The following RCAN1 variants were observed in gnomAD, a reference collection of about 807,000 sequenced individuals.
RCAN1 encodes the protein calcipressin-1.
In RCAN1, 11 loss-of-function variants were observed where a neutral mutation model predicts 22.9. That is an observed-to-expected ratio of 0.48 (90% confidence interval 0.30 to 0.79). RCAN1 has a LOEUF of 0.79. RCAN1 is among the 30% of genes least tolerant of loss of function. The pLI is 0.06. For missense variants in RCAN1, 291 were observed against 337.8 expected (o/e 0.86, Z 1.09); for synonymous variants, 136 against 142.3 (o/e 0.96, Z 0.32).
chr21:34,520,901 G>A (rs564622187), intron 3 of RCAN1, among the ~76,000 whole-genome samples: 4 of 152,110 alleles, frequency 2.6e-5, no homozygotes, highest in East Asian at 1.9e-4. Context: ...CCCCCTCCCC[G>A]CAGTGCTCAC....
At chr21:34,569,260 T>C (rs9636883) in intron 1 of RCAN1, among the ~76,000 whole-genome samples, 64,900 of 152,074 alleles carry the variant, frequency 0.43, 14,586 homozygotes, top group East Asian at 0.61. Flanking sequence ...CAGTATTGTC[T>C]CTGTGGAAAA....
At chr21:34,590,500 A>G (rs1242883946) in intron 1 of RCAN1, among the ~76,000 whole-genome samples, 14 of 152,256 alleles carry the variant, frequency 9.2e-5, no homozygotes, top group Non-Finnish European at 2.1e-4. Context: ...GGAGACCTAC[A>G]GGCAAAAAAA....
intron 1 of RCAN1, among the ~76,000 whole-genome samples, chr21:34,605,651 G>A (rs187263783): frequency 6.6e-6 from 1 of 152,226 alleles, no homozygotes; most frequent in East Asian, 1.9e-4. Flanking sequence ...GCCAGGTGGA[G>A]TGGCTCACAC....
chr21:34,529,920 C>A (rs1429233567), intron 1 of RCAN1, among the ~76,000 whole-genome samples: 8 of 152,168 alleles, frequency 5.3e-5, no homozygotes, highest in Admixed American at 2.0e-4. Flanking sequence ...ATGGGTTTAT[C>A]AGGGGTTTTC....
At chr21:34,608,552 TCCTTCAGTTCAG>T (rs1241579930) in intron 1 of RCAN1, among the ~76,000 whole-genome samples, 1 of 152,168 alleles carries the variant, frequency 6.6e-6, no homozygotes, top group Non-Finnish European at 1.5e-5. Context: ...TAGATACCAC[TCCTTCAGTTCAG>T]CCTTCAGATG....
intron 1 of RCAN1, among the ~76,000 whole-genome samples, chr21:34,562,437 C>T (rs1307586788): frequency 1.3e-5 from 2 of 152,118 alleles, no homozygotes; most frequent in Non-Finnish European, 2.9e-5. Context: ...ATGCTGTGGG[C>T]AAGGGGAGCA....
At chr21:34,555,445 T>C (rs1473790830) in intron 1 of RCAN1, among the ~76,000 whole-genome samples, 1 of 152,024 alleles carries the variant, frequency 6.6e-6, no homozygotes, top group Non-Finnish European at 1.5e-5. Flanking sequence ...GGGTGGCTCA[T>C]GTCTGTAATT....
chr21:34,594,558 G>GAACAAC (rs36016810), intron 1 of RCAN1, among the ~76,000 whole-genome samples: 3 of 151,834 alleles, frequency 2.0e-5, no homozygotes, highest in Non-Finnish European at 2.9e-5. Flanking sequence ...CTCAAAACAA[G>GAACAAC]AACAACAACA....
At chr21:34,597,630 C>G (rs751484349) in intron 1 of RCAN1, among the ~76,000 whole-genome samples, 32 of 152,124 alleles carry the variant, frequency 2.1e-4, no homozygotes, top group Non-Finnish European at 3.7e-4. Flanking sequence ...ATTGCCACAC[C>G]CAAGCTATGG....
intron 1 of RCAN1, among the ~76,000 whole-genome samples, chr21:34,579,258 C>T (rs1390941247): frequency 6.6e-6 from 1 of 151,984 alleles, no homozygotes; most frequent in Non-Finnish European, 1.5e-5. Context: ...TAGCCAGGTA[C>T]GGTGGTGCAT....
intron 1 of RCAN1, among the ~76,000 whole-genome samples, chr21:34,588,603 C>T (rs1251425998): frequency 1.3e-5 from 2 of 152,158 alleles, no homozygotes; most frequent in African/African-American, 4.8e-5. Flanking sequence ...ATGGTGTAGC[C>T]ACTGTGCAGA....
chr21:34,597,061 G>A (rs531472524), intron 1 of RCAN1, among the ~76,000 whole-genome samples: 16 of 152,222 alleles, frequency 1.1e-4, no homozygotes, highest in African/African-American at 3.6e-4. Context: ...TGTGTGATGT[G>A]GGCCCAATCT....
In RCAN1 at chr21:34,518,380, A is replaced by T; in HGVS notation, c.587-124T>A. ...CGTGACCATTCGATTGGGCTGAGAG[A>T]CACAGCCAGACATATTTTGGGTTTG... On this transcript the variant is annotated intron_variant, in intron 3 of 3. Coordinates refer to ENST00000313806, the MANE Select transcript of RCAN1 (RefSeq NM_004414.7). The surrounding 1 kb of genome is among the most constrained non-coding windows in gnomAD (Gnocchi z 4.2). 2.1e-6 allele frequency: 2 copies of T among 932,414 alleles called. No individual in the cohort carries two copies. The highest frequency in any genetic ancestry group is 3.1e-6 in the Non-Finnish European group (2 of 635,080). The allele number at this position is 932,414 out of a possible 1,614,324, so 57.8% of individuals were successfully genotyped here. A position where few individuals can be genotyped will look rare whatever the true frequency, so the allele number is the denominator to read the frequency against.
chr21:34,614,740 C>T lies in RCAN1; in HGVS notation c.252+20G>A. The T allele has an allele frequency of 1.4e-6, 2 of 1,411,276 alleles. No homozygotes were observed. Among genetic ancestry groups the T allele is most frequent in the Non-Finnish European group, 1.9e-6 (2 of 1,076,616 alleles). 87.4% of individuals were successfully genotyped at this position (1,411,276 alleles called of 1,614,324 possible). ...AGTGTCCGCCCTCCGCCCCGACGGC[C>T]CGCCCGGCGCGGTCCTCACCCGGCA... On this transcript the variant is annotated intron_variant, in intron 1 of 3. Coordinates refer to ENST00000313806, the MANE Select transcript of RCAN1 (RefSeq NM_004414.7). This position sits in a 1 kb window ranked among gnomAD's most constrained non-coding sequence, Gnocchi z 6.0.
intron 1 of RCAN1, among the ~76,000 whole-genome samples, chr21:34,580,518 G>A (rs534468373): frequency 3.9e-5 from 6 of 152,298 alleles, no homozygotes; most frequent in Non-Finnish European, 5.9e-5. Context: ...ATCCAGTCAC[G>A]TCCTCCGGGT....
In RCAN1 at chr21:34,538,322, A is replaced by G. The variant is rs147627276; in HGVS notation, c.253-14612T>C. ...CATTTTATTCCTTATGTTGAAAATG[A>G]TGGGAAGATTGTGCCTGTTTCACCC... is the stretch of plus-strand genomic sequence containing the variant. On this transcript the variant is annotated intron_variant, in intron 1 of 3. Transcript: ENST00000313806. 4.3e-3 allele frequency among the ~76,000 whole-genome samples: 650 copies of G among 152,264 alleles called. 11 individuals carry two copies. The highest frequency in any genetic ancestry group is 0.014 in the African/African-American group (602 of 41,546).
chr21:34,517,787 G>A lies in RCAN1; in HGVS notation c.*297C>T. ...GGCACAGACAGAACCTACCAGAAAAGAACAAGTACAAAACACTATCATTAT... is the reference window on the plus strand; with the variant it reads ...GGCACAGACAGAACCTACCAGAAAAAAACAAGTACAAAACACTATCATTAT... On this transcript the variant is annotated 3_prime_UTR_variant, in exon 4 of 4. Transcript: ENST00000313806. 1 of 361,758 alleles carries A rather than the reference G, an allele frequency of 2.8e-6. No individual in the cohort carries two copies. The highest frequency in any genetic ancestry group is 5.6e-5 in the East Asian group (1 of 17,848). 22.4% of individuals were successfully genotyped at this position (361,758 alleles called of 1,614,324 possible). A position where few individuals can be genotyped will look rare whatever the true frequency, so the allele number is the denominator to read the frequency against.
chr21:34,581,062 T>A (rs1460803603), intron 1 of RCAN1, among the ~76,000 whole-genome samples: 1 of 152,116 alleles, frequency 6.6e-6, no homozygotes, highest in East Asian at 1.9e-4. Flanking sequence ...TAAGTCCTTG[T>A]GGAGATGGAC....
intron 1 of RCAN1, among the ~76,000 whole-genome samples, chr21:34,537,488 T>TGG (rs1374064900): frequency 6.6e-6 from 1 of 152,222 alleles, no homozygotes; most frequent in Non-Finnish European, 1.5e-5. Context: ...GTGGCCACCC[T>TGG]GGGCCCAGAG....
Sources: allele counts gnomAD v4.1 joint callset (sites outside exome capture counted in the v4.1 genomes callset), GRCh38; gene constraint gnomAD v4.1.1; non-coding constraint Gnocchi (gnomAD v3.1); transcripts MANE v1.5; gene names NCBI Gene and HGNC (gene_info 2026-07-23, HGNC 2026-07-21).